RBM19: variants seen among roughly 807,000 people sequenced by gnomAD.
RBM19 encodes the protein probable RNA-binding protein 19.
In RBM19, 94 loss-of-function variants were observed where a neutral mutation model predicts 116.8. The ratio of observed to expected loss-of-function variants is 0.80; its 90% CI spans 0.68 to 0.95. RBM19 has a LOEUF of 0.95. Ranked by LOEUF, RBM19 falls within the 40% of genes least tolerant of loss-of-function variation. The pLI is 0.00. For missense variants in RBM19, 1,161 were observed against 1,220.7 expected (o/e 0.95, Z 0.73); for synonymous variants, 475 against 494.1 (o/e 0.96, Z 0.51).
intron 23 of RBM19, among the ~76,000 whole-genome samples, chr12:113,824,506 G>T (rs2135677581): frequency 6.6e-6 from 1 of 152,218 alleles, no homozygotes; most frequent in East Asian, 1.9e-4. Context: ...TTTGTACAGA[G>T]GCAGTGTAAA....
At chr12:113,939,314 A>C (rs1449967952) in intron 15 of RBM19, among the ~76,000 whole-genome samples, 1 of 151,976 alleles carries the variant, frequency 6.6e-6, no homozygotes, top group Non-Finnish European at 1.5e-5. Flanking sequence ...TTTCAAAATA[A>C]ATAAATACTT....
intron 19 of RBM19, 67 bp from the exon 20 acceptor site, chr12:113,918,514 C>T (rs1882921540): frequency 6.4e-7 from 1 of 1,555,688 alleles, no homozygotes; most frequent in Admixed American, 1.7e-5. Flanking sequence ...CCTTGCCCTT[C>T]ACCAGAGCAG....
chr12:113,844,744 C>G lies in RBM19; in HGVS notation c.2709G>C (p.Arg903=). 6.2e-7 allele frequency: 1 copy of G among 1,613,672 alleles called. No homozygotes were observed. Among genetic ancestry groups the G allele is most frequent in the East Asian group, 2.2e-5 (1 of 44,872 alleles). ...AGTCGGCCCACTCCAGCACCAGCCT[C>G]CGCCCGTACAAGTGGGTGCTGTGAC... ...ALCHSTHLYG[R]RLVLEWADSE... is the part of the protein sequence containing the mutation. Residue 903 remains arginine, a synonymous_variant, in exon 23 of 24, where the codon CGG becomes CGC. Transcript: ENST00000261741.
chr12:113,936,990 T>C lies in RBM19; in HGVS notation c.2068+17A>G. The C allele has an allele frequency of 6.2e-7, 1 of 1,612,342 alleles. No homozygotes were observed. Among genetic ancestry groups the C allele is most frequent in the Non-Finnish European group, 8.5e-7 (1 of 1,179,462 alleles). The stretch of plus-strand genomic sequence containing the variant: ...ACCAGGATCCCAAGCCATCCTGGTC[T>C]CAGACTCAGCTCTTACCTGTTTCTG... On this transcript the variant is annotated intron_variant, in intron 16 of 23. Transcript: ENST00000261741.
chr12:113,946,375 T>C lies in RBM19; in HGVS notation c.1508A>G (p.Gln503Arg), dbSNP rs756884154. 15 of 1,613,996 alleles carry C rather than the reference T, an allele frequency of 9.3e-6. No homozygotes were observed. Among genetic ancestry groups the C allele is most frequent in the Admixed American group, 1.7e-5 (1 of 60,000 alleles). ...SSSYKKKKEA[Q>R]DKANSASSHN... The stretch of plus-strand genomic sequence containing the variant: ...GGACCTGGCACTGTTGGCTTTGTCC[T>C]GGGCCTCCTTCTTCTTCTTGTAGGA... The change falls in exon 12 of 24, where the codon CAG (glutamine) becomes CGG (arginine). Residue 503 changes from glutamine to arginine, a missense_variant. Gln to Arg is a conservative substitution (Grantham distance 43). Transcript: ENST00000261741.
chr12:113,942,245 C>T (rs546182492), intron 14 of RBM19, 79 bp downstream of exon 14: 5 of 1,203,686 alleles, frequency 4.2e-6, no homozygotes, highest in South Asian at 2.7e-5. Context: ...ATCCTTAAAT[C>T]CATCTGCATC....
intron 21 of RBM19, among the ~76,000 whole-genome samples, chr12:113,896,771 C>T (rs1881361974): frequency 6.6e-6 from 1 of 152,126 alleles, no homozygotes; most frequent in African/African-American, 2.4e-5. Flanking sequence ...ATCTTGAGGC[C>T]AGCACAGCCT....
At chr12:113,878,505 G>A (rs1425089542) in intron 21 of RBM19, among the ~76,000 whole-genome samples, 2 of 152,140 alleles carry the variant, frequency 1.3e-5, no homozygotes, top group African/African-American at 4.8e-5. Flanking sequence ...CCTGGCATCG[G>A]CCATCGCAGG....
chr12:113,960,357 A>G (rs1418961741), intron 2 of RBM19, among the ~76,000 whole-genome samples, 179 bp from the exon 3 acceptor site: 1 of 152,230 alleles, frequency 6.6e-6, no homozygotes, highest in Admixed American at 6.5e-5. Context: ...TCTAGAATAC[A>G]ATACTCTAAC....
intron 19 of RBM19, among the ~76,000 whole-genome samples, chr12:113,918,923 A>G (rs1256426345): frequency 6.6e-6 from 1 of 152,350 alleles, no homozygotes; most frequent in African/African-American, 2.4e-5. Flanking sequence ...TAAATCTCCC[A>G]TAAAATACAG....
intron 21 of RBM19, among the ~76,000 whole-genome samples, chr12:113,891,020 C>A (rs1252974578): frequency 6.7e-6 from 1 of 150,026 alleles, no homozygotes; most frequent in Non-Finnish European, 1.5e-5. Context: ...CCAGGCTGGT[C>A]TCAAACTCCT....
intron 18 of RBM19, among the ~76,000 whole-genome samples, chr12:113,922,342 A>G (rs1370944069): frequency 6.6e-6 from 1 of 152,146 alleles, no homozygotes; most frequent in Non-Finnish European, 1.5e-5. Context: ...CTTTGTTTAG[A>G]TTTTCACCAA....
chr12:113,890,900 A>C (rs1226856017), intron 21 of RBM19, among the ~76,000 whole-genome samples: 1 of 151,898 alleles, frequency 6.6e-6, no homozygotes, highest in Non-Finnish European at 1.5e-5. Flanking sequence ...CCATGCTCCC[A>C]CCTCAGCCTT....
chr12:113,879,227 C>T (rs2135784692), intron 21 of RBM19, among the ~76,000 whole-genome samples: 1 of 152,198 alleles, frequency 6.6e-6, no homozygotes, highest in Admixed American at 6.5e-5. Context: ...GGACCACATT[C>T]TGTACATTTC....
At chr12:113,821,531 C>T (rs1412254065), downstream of RBM19, among the ~76,000 whole-genome samples, 1 of 152,170 alleles carries the variant, frequency 6.6e-6, no homozygotes, top group Admixed American at 6.5e-5. Flanking sequence ...ACCTGAGGGT[C>T]GGCCTGGGTG....
intron 21 of RBM19, among the ~76,000 whole-genome samples, chr12:113,888,724 T>G (rs946111823): frequency 6.6e-6 from 1 of 152,200 alleles, no homozygotes; most frequent in Non-Finnish European, 1.5e-5. Context: ...CCCTGCATTT[T>G]AGCTGTAGGC....
At chr12:113,887,634 C>CAAAAAAAAAAAAAAAAA (rs35665613) in intron 21 of RBM19, among the ~76,000 whole-genome samples, 1 of 71,164 alleles carries the variant, frequency 1.4e-5, no homozygotes, top group African/African-American at 6.0e-5. Flanking sequence ...GACTCCATCT[C>CAAAAAAAAAAAAAAAAA]AAAAAAAAAA....
intron 17 of RBM19, among the ~76,000 whole-genome samples, chr12:113,925,594 G>A (rs940031217): frequency 2.6e-5 from 4 of 152,226 alleles, no homozygotes; most frequent in African/African-American, 9.6e-5. Flanking sequence ...TCAAGGTGCT[G>A]AGACAGGAGC....
chr12:113,935,737 T>G (rs1201359033), intron 16 of RBM19, among the ~76,000 whole-genome samples: 1 of 152,186 alleles, frequency 6.6e-6, no homozygotes, highest in African/African-American at 2.4e-5. Context: ...CAAAGTCTAT[T>G]CCACTAAAAT....
Sources: allele counts gnomAD v4.1 joint callset (sites outside exome capture counted in the v4.1 genomes callset), GRCh38; gene constraint gnomAD v4.1.1; transcripts MANE v1.5; gene names NCBI Gene and HGNC (gene_info 2026-07-23, HGNC 2026-07-21).